SLC3A2: variants seen among roughly 807,000 people sequenced by gnomAD.
SLC3A2 encodes the protein solute carrier family 3 member 2.
A neutral mutation model predicts 48.5 loss-of-function variants in SLC3A2; 32 were observed. The observed-to-expected ratio is 0.66, with a 90% CI of 0.50 to 0.89. The LOEUF is 0.89. Ranked by LOEUF, SLC3A2 falls within the 40% of genes least tolerant of loss-of-function variation. The probability of loss-of-function intolerance (pLI) is 0.00; values close to 1 mark genes in which losing one functional copy is unlikely to be tolerated. For missense variants in SLC3A2, 587 were observed against 680.7 expected, an observed-to-expected ratio of 0.86 and a Z score of 1.53; for synonymous variants, 277 against 288.8, an observed-to-expected ratio of 0.96 and a Z score of 0.41.
intron 1 of SLC3A2, among the ~76,000 whole-genome samples, chr11:62,867,404 C>T (rs1240302305): frequency 6.9e-6 from 1 of 144,744 alleles, no homozygotes; most frequent in East Asian, 2.1e-4. Flanking sequence ...TGGCTCACTG[C>T]ACTCTCCGCC....
chr11:62,856,237 C>G (rs753424261), exon 1 of SLC3A2: 1 of 1,566,932 alleles, frequency 6.4e-7, no homozygotes, highest in Non-Finnish European at 8.7e-7. Flanking sequence ...CCCTTGCCCA[C>G]ACACCCCAAA....
chr11:62,885,061 C>T, intron 5 of SLC3A2, 116 bp from the exon 6 acceptor site: 1 of 1,123,832 alleles, frequency 8.9e-7, no homozygotes, highest in Non-Finnish European at 1.3e-6. Flanking sequence ...GAACTCCTGA[C>T]CTCAAGTGAT....
At chr11:62,856,331 G>A in exon 1 of SLC3A2, 3 of 1,613,428 alleles carry the variant, frequency 1.9e-6, no homozygotes, top group Non-Finnish European at 2.5e-6. Context: ...CAGTTGCCTG[G>A]CTCACATTCG....
intron 7 of SLC3A2, among the ~76,000 whole-genome samples, chr11:62,887,019 C>G (rs1032866189): frequency 6.6e-6 from 1 of 151,950 alleles, no homozygotes. Flanking sequence ...ATTACAGGTG[C>G]GAGCCACTGC....
chr11:62,888,024 G>A (rs2085737213), intron 7 of SLC3A2, 111 bp from the exon 8 acceptor site: 1 of 922,308 alleles, frequency 1.1e-6, no homozygotes, highest in Admixed American at 2.1e-5. Context: ...TCAAATGCCT[G>A]GGCTCAAGCA....
intron 1 of SLC3A2, among the ~76,000 whole-genome samples, chr11:62,861,513 G>T (rs913048540): frequency 6.6e-6 from 1 of 152,076 alleles, no homozygotes; most frequent in African/African-American, 2.4e-5. Context: ...CTCCAGCCTT[G>T]GCCTCCCAAA....
chr11:62,885,797 A>G (rs2085706339), intron 7 of SLC3A2, among the ~76,000 whole-genome samples, 189 bp downstream of exon 7: 2 of 152,142 alleles, frequency 1.3e-5, no homozygotes, highest in South Asian at 4.1e-4. Context: ...CCCTTGTGTT[A>G]CTGCATTTCT....
Position 62,884,704 on chromosome 11 carries a change from C to T in SLC3A2, c.818+14C>T, listed in dbSNP as rs750966769. The T allele has an allele frequency of 6.3e-7, 1 of 1,580,542 alleles. No homozygotes were observed. Among genetic ancestry groups the T allele is most frequent in the East Asian group, 2.2e-5 (1 of 44,530 alleles). ...CAGTGAAGACAGGTGGGTGCAGGAG[C>T]CATTCTGCTGACTCAGCTCCAATGT... On this transcript the variant is annotated intron_variant, in intron 5 of 8. Transcript: ENST00000338663.
At chr11:62,876,503 G>C (rs1322586521), upstream of SLC3A2, among the ~76,000 whole-genome samples, 2 of 152,008 alleles carry the variant, frequency 1.3e-5, no homozygotes, top group Non-Finnish European at 2.9e-5. Context: ...CAGGATCTGA[G>C]GCTCTTTACT....
At chr11:62,871,653 G>C (rs1047857068) in intron 1 of SLC3A2, 2 of 662,478 alleles carry the variant, frequency 3.0e-6, no homozygotes, top group African/African-American at 3.7e-5. Flanking sequence ...TAGCTTCCAA[G>C]AATGCTGAGG....
intron 1 of SLC3A2, among the ~76,000 whole-genome samples, chr11:62,857,374 T>TCAGCCTC (rs1248917421): frequency 6.6e-6 from 1 of 152,060 alleles, no homozygotes; most frequent in Non-Finnish European, 1.5e-5. Context: ...ACCTCCTGCC[T>TCAGCCTC]CAGCCTCCCA....
upstream of SLC3A2, among the ~76,000 whole-genome samples, chr11:62,879,639 T>C (rs1303348606): frequency 6.6e-6 from 1 of 152,232 alleles, no homozygotes; most frequent in Non-Finnish European, 1.5e-5. Context: ...TTCTCTATGC[T>C]ATTACTTCAG....
intron 3 of SLC3A2, chr11:62,883,865 C>T: frequency 2.4e-6 from 1 of 412,712 alleles, no homozygotes; most frequent in East Asian, 7.1e-5. Context: ...GCAGGACTGC[C>T]AGGATTCCAT....
chr11:62,886,527 C>T (rs1368821267), intron 7 of SLC3A2: 2 of 152,006 alleles, frequency 1.3e-5, no homozygotes, highest in African/African-American at 4.8e-5. Context: ...GTGATCATCC[C>T]ACCTCAGCCT....
At chr11:62,886,757 C>A (rs2085719731) in intron 7 of SLC3A2, among the ~76,000 whole-genome samples, 1 of 152,118 alleles carries the variant, frequency 6.6e-6, no homozygotes, top group African/African-American at 2.4e-5. Flanking sequence ...CAGGCACACA[C>A]CACCATGCCC....
At position 62,888,774 on chromosome 11, in the gene SLC3A2, CA is replaced by C; in HGVS notation, c.*84del. On this transcript the variant is annotated 3_prime_UTR_variant, in exon 9 of 9. Transcript: ENST00000338663. ...TTCTGATTTTTCTCTTTTTTAAAAA[CA>C]AACAAACAAACTGTTGCAGATTATG... The C allele has an allele frequency of 7.6e-7, 1 of 1,312,884 alleles. No individual in the cohort carries two copies. Among genetic ancestry groups the C allele is most frequent in the Non-Finnish European group, 1.0e-6 (1 of 965,830 alleles). The allele number at this position is 1,312,884 out of a possible 1,614,324, so 81.3% of individuals were successfully genotyped here.
rs910760207 is a variant in SLC3A2, at chr11:62,884,661, A to C, written c.789A>C (p.Gln263His). The change falls in exon 5 of 9, where the codon CAA becomes CAC. Residue 263 changes from glutamine to histidine, a missense_variant. By Grantham distance (24) the Gln-to-His change is conservative. Coordinates refer to ENST00000338663, the MANE Select transcript of SLC3A2 (RefSeq NM_001013251.3). The stretch of plus-strand genomic sequence containing the variant: ...CATCCTCATTCTTGGCTGAGTGGCA[A>C]AATATCACCAAGGGCTTCAGTGAAG... ...KDASSFLAEW[Q>H]NITKGFSEDR... The C allele has an allele frequency of 6.2e-7, 1 of 1,608,912 alleles. No homozygotes were observed. Among genetic ancestry groups the C allele is most frequent in the Admixed American group, 1.7e-5 (1 of 59,598 alleles).
At chr11:62,884,767 G>A (rs1464185480) in intron 5 of SLC3A2, 77 bp downstream of exon 5, 2 of 1,185,188 alleles carry the variant, frequency 1.7e-6, no homozygotes, top group East Asian at 2.6e-5. Flanking sequence ...TAAGAAGGGG[G>A]GATTCCTAGT....
At chr11:62,860,428 C>T (rs867215844) in intron 1 of SLC3A2, among the ~76,000 whole-genome samples, 10 of 151,608 alleles carry the variant, frequency 6.6e-5, no homozygotes, top group Middle Eastern at 3.2e-3. Context: ...TGGTGTGAAA[C>T]CTGGGCGACA....
Sources: gnomAD v4.1 joint callset for allele counts (sites outside exome capture counted in the v4.1 genomes callset) on GRCh38, gnomAD v4.1.1 for gene constraint, MANE v1.5 for transcripts, NCBI Gene and HGNC (gene_info 2026-07-23, HGNC 2026-07-21) for gene names.